MYH10: variants seen among roughly 807,000 people sequenced by gnomAD.
MYH10 encodes the protein myosin-10.
In MYH10, 55 loss-of-function variants were observed where a neutral mutation model predicts 257.8. The ratio of observed to expected loss-of-function variants is 0.21; its 90% confidence interval spans 0.17 to 0.27. The LOEUF (loss-of-function observed/expected upper bound fraction) is 0.27, where lower values mean the gene tolerates loss of function less well. Ranked by LOEUF, MYH10 falls within the 10% of genes least tolerant of loss-of-function variation. The pLI is 1.00. For synonymous variants in MYH10, 854 were observed against 921.7 expected, an observed-to-expected ratio of 0.93 and a Z score of 1.33; for missense variants, 1,631 against 2,500.6, an observed-to-expected ratio of 0.65 and a Z score of 7.42.
intron 2 of MYH10, among the ~76,000 whole-genome samples, chr17:8,609,172 T>C (rs2163449): frequency 0.038 from 5,737 of 152,198 alleles, 367 homozygotes; most frequent in African/African-American, 0.13. Flanking sequence ...GGGCTATGTA[T>C]ATGCATTGTT....
intron 6 of MYH10, among the ~76,000 whole-genome samples, chr17:8,572,261 TGAGAGAGAGAGA>T (rs66710491): frequency 6.8e-6 from 1 of 147,334 alleles, no homozygotes; most frequent in African/African-American, 2.6e-5. Flanking sequence ...TGTGTGTGAG[TGAGAGAGAGAGA>T]GAGAGAGAGA....
rs114525893 is a variant in MYH10 at position 8,510,691 on chromosome 17, G to A, written c.2953-742C>T. Among the ~76,000 whole-genome samples the A allele has an allele frequency of 5.6e-4, 85 of 152,222 alleles. 1 individual carries two copies. The highest frequency in any genetic ancestry group is 1.7e-3 in the African/African-American group (72 of 41,526). ...TAATGTAGTAGCACTCATCAAATGT[G>A]TATTTAATTTAGCTGAATCCAACTA... On this transcript the variant is annotated intron_variant, in intron 24 of 42. Transcript: ENST00000360416.
intron 2 of MYH10, among the ~76,000 whole-genome samples, chr17:8,610,727 T>C (rs1215907168): frequency 1.3e-5 from 2 of 152,230 alleles, no homozygotes; most frequent in African/African-American, 2.4e-5. Flanking sequence ...CATGGAATGA[T>C]GCCGCAAGAA....
intron 4 of MYH10, among the ~76,000 whole-genome samples, chr17:8,586,923 T>C (rs2083933373): frequency 6.6e-6 from 1 of 152,180 alleles, no homozygotes; most frequent in South Asian, 2.1e-4. Flanking sequence ...ATGGCTCCAA[T>C]TGTTTCATGC....
At position 8,477,197 on chromosome 17, in the gene MYH10, C is replaced by A. The variant is rs563393358; in HGVS notation, c.5707-149G>T. 1.2e-6 allele frequency: 1 copy of A among 816,176 alleles called. No individual in the cohort carries two copies. Among genetic ancestry groups the A allele is most frequent in the Non-Finnish European group, 1.9e-6 (1 of 538,498 alleles). 50.6% of individuals were successfully genotyped at this position (816,176 alleles called of 1,614,324 possible). On this transcript the variant is annotated intron_variant, in intron 41 of 42. Coordinates refer to ENST00000360416, the MANE Select transcript of MYH10 (RefSeq NM_001256012.3). The surrounding 1 kb of genome is among the most constrained non-coding windows in gnomAD (Gnocchi z 4.2). ...TGTACACGCGTGCCTGGGGGCTGGT[C>A]GGAGGCTCTGTAACCGGCCTGCCGC...
intron 30 of MYH10, among the ~76,000 whole-genome samples, 156 bp downstream of exon 30, chr17:8,499,114 C>T (rs1192501050): frequency 6.6e-6 from 1 of 152,162 alleles, no homozygotes; most frequent in East Asian, 1.9e-4. Context: ...GTAATAGACA[C>T]TAGGGACACC....
At chr17:8,497,157 C>T (rs1421313681) in intron 30 of MYH10, among the ~76,000 whole-genome samples, 1 of 152,218 alleles carries the variant, frequency 6.6e-6, no homozygotes, top group Non-Finnish European at 1.5e-5. Context: ...TATCTTTTCA[C>T]TGTAATAAAT....
chr17:8,611,167 C>T (rs1163029953), intron 2 of MYH10, among the ~76,000 whole-genome samples: 1 of 152,148 alleles, frequency 6.6e-6, no homozygotes, highest in East Asian at 1.9e-4. Context: ...CAGCTGGGAC[C>T]CTGATGGCTA....
chr17:8,549,717 CCT>C (rs2082559465), intron 9 of MYH10, among the ~76,000 whole-genome samples: 1 of 152,170 alleles, frequency 6.6e-6, no homozygotes, highest in African/African-American at 2.4e-5. Context: ...TCTCCCTCTC[CCT>C]CTCTTTCCAC....
At position 8,535,937 on chromosome 17, in the gene MYH10, A is replaced by G. The variant is rs182854446; in HGVS notation, c.1606-6T>C. The G allele has an allele frequency of 6.8e-6, 11 of 1,610,196 alleles. No homozygotes were observed. In the East Asian group the frequency reaches 2.5e-4, roughly 36 times the overall value. The stretch of plus-strand genomic sequence containing the variant: ...AGTACACCAGGAGGGTTCGCCTGAT[A>G]ATGACAGGCAATAAGAATTCACAAG... On this transcript the variant is annotated splice_polypyrimidine_tract_variant and splice_region_variant and intron_variant, in intron 14 of 42. Coordinates refer to ENST00000360416, the MANE Select transcript of MYH10 (RefSeq NM_001256012.3). The surrounding 1 kb of genome is among the most constrained non-coding windows in gnomAD (Gnocchi z 4.3).
At chr17:8,544,775 G>A (rs1007834602) in intron 13 of MYH10, among the ~76,000 whole-genome samples, 1 of 152,166 alleles carries the variant, frequency 6.6e-6, no homozygotes, top group African/African-American at 2.4e-5. Context: ...ACCGTAGCAG[G>A]TGTGTGACTG....
intron 3 of MYH10, among the ~76,000 whole-genome samples, chr17:8,595,636 G>A (rs1329198550): frequency 3.3e-5 from 5 of 151,918 alleles, no homozygotes; most frequent in Non-Finnish European, 7.4e-5. Context: ...TCTCCATATT[G>A]GTCAGGCTGG....
intron 1 of MYH10, among the ~76,000 whole-genome samples, chr17:8,628,093 T>C (rs561124970): frequency 6.6e-6 from 1 of 152,220 alleles, no homozygotes; most frequent in Admixed American, 6.5e-5. Flanking sequence ...TTAAAAAGTA[T>C]AGGCTTAACC....
intron 37 of MYH10, among the ~76,000 whole-genome samples, chr17:8,483,370 C>G (rs1481004205): frequency 1.3e-5 from 2 of 152,174 alleles, no homozygotes. Context: ...GAAGCTGGCT[C>G]TCAGGTTCTC....
intron 28 of MYH10, 59 bp from the exon 29 acceptor site, chr17:8,501,029 TTC>T: frequency 6.6e-7 from 1 of 1,522,772 alleles, no homozygotes; most frequent in Middle Eastern, 1.8e-4. Context: ...AAAACACATT[TTC>T]TTTTTGAAAA....
chr17:8,602,572 CT>C (rs952993622), intron 3 of MYH10, among the ~76,000 whole-genome samples: 1 of 152,216 alleles, frequency 6.6e-6, no homozygotes, highest in Non-Finnish European at 1.5e-5. Context: ...AGGTAGCCCC[CT>C]ACTTACAAAA....
intron 6 of MYH10, among the ~76,000 whole-genome samples, chr17:8,575,249 C>T (rs888031919): frequency 1.5e-5 from 2 of 136,998 alleles, no homozygotes; most frequent in Non-Finnish European, 3.2e-5. Flanking sequence ...AAAATGACAT[C>T]GAAACAAAAT....
At chr17:8,579,413 G>A (rs2083620984) in intron 4 of MYH10, among the ~76,000 whole-genome samples, 1 of 152,182 alleles carries the variant, frequency 6.6e-6, no homozygotes, top group Admixed American at 6.5e-5. Context: ...AGGGAAGACT[G>A]GGTGAAGGAA....
chr17:8,575,066 A>G (rs959150830), intron 6 of MYH10, among the ~76,000 whole-genome samples: 1 of 152,260 alleles, frequency 6.6e-6, no homozygotes, highest in Non-Finnish European at 1.5e-5. Flanking sequence ...TTGTGTGCAC[A>G]GTGGACACAT....
Sources: gnomAD v4.1 joint callset for allele counts (sites outside exome capture counted in the v4.1 genomes callset) on GRCh38, gnomAD v4.1.1 for gene constraint, Gnocchi (gnomAD v3.1) non-coding constraint, MANE v1.5 for transcripts, NCBI Gene and HGNC (gene_info 2026-07-23, HGNC 2026-07-21) for gene names.